Variants in NEDD4L observed in about 807,000 individuals in gnomAD.
NEDD4L encodes the protein NEDD4 like E3 ubiquitin protein ligase.
Under a neutral mutation model 148.9 loss-of-function variants are expected in NEDD4L, and 54 were observed. The observed-to-expected ratio is 0.36, with a 90% CI of 0.29 to 0.45. The LOEUF (loss-of-function observed/expected upper bound fraction) is 0.45, where lower values mean the gene tolerates loss of function less well. NEDD4L is among the 20% of genes least tolerant of loss of function. The probability of loss-of-function intolerance (pLI) is 1.00; values close to 1 mark genes in which losing one functional copy is unlikely to be tolerated. For synonymous variants in NEDD4L, 433 were observed against 440.7 expected (o/e 0.98, Z 0.22); for missense variants, 856 against 1,233.8 (o/e 0.69, Z 4.59).
chr18:58,210,336 G>C (rs1322893122), intron 2 of NEDD4L, among the ~76,000 whole-genome samples: 1 of 152,204 alleles, frequency 6.6e-6, no homozygotes, highest in Non-Finnish European at 1.5e-5. Context: ...GTTGATCCAA[G>C]AAGCATGGAA....
At chr18:58,057,351 A>G (rs1014972468) in intron 1 of NEDD4L, among the ~76,000 whole-genome samples, 2 of 152,088 alleles carry the variant, frequency 1.3e-5, no homozygotes, top group African/African-American at 4.8e-5. Context: ...GATGACTACA[A>G]TGAACCTTCT....
chr18:58,106,343 GTAGGTA>G (rs1170507135), intron 1 of NEDD4L, among the ~76,000 whole-genome samples: 5 of 152,236 alleles, frequency 3.3e-5, no homozygotes, highest in African/African-American at 1.2e-4. Context: ...TTTCTTATCT[GTAGGTA>G]TTTAAGATAA....
intron 5 of NEDD4L, among the ~76,000 whole-genome samples, chr18:58,265,059 A>G (rs1390020036): frequency 6.6e-6 from 1 of 151,900 alleles, no homozygotes; most frequent in South Asian, 2.1e-4. Context: ...GCATTGGGTG[A>G]CAGATTGCTT....
intron 26 of NEDD4L, 81 bp from the exon 27 acceptor site, chr18:58,387,358 C>A: frequency 7.0e-7 from 1 of 1,434,892 alleles, no homozygotes; most frequent in Non-Finnish European, 9.2e-7. Context: ...TTCTGGCTAA[C>A]CAGAAAAGTT....
chr18:58,130,953 A>T (rs1172970940), intron 1 of NEDD4L, among the ~76,000 whole-genome samples: 2 of 129,734 alleles, frequency 1.5e-5, no homozygotes, highest in Non-Finnish European at 3.1e-5. Context: ...TTTGGTTGTG[A>T]TCTAGCAGAA....
chr18:58,061,268 G>A lies in NEDD4L; in HGVS notation c.48+16560G>A, dbSNP rs574802506. ...CTAATTGGATCCGTGAGCCAGTCAT[G>A]TTAGATCATAAATATGATTTTTCCT... On this transcript the variant is annotated intron_variant, in intron 1 of 30. Coordinates refer to ENST00000400345, the MANE Select transcript of NEDD4L (RefSeq NM_001144967.3). Among the ~76,000 whole-genome samples, 6 of 152,302 alleles carry A rather than the reference G, an allele frequency of 3.9e-5. No individual in the cohort carries two copies. The East Asian group carries it at 1.2e-3, about 29-fold the overall frequency.
intron 10 of NEDD4L, among the ~76,000 whole-genome samples, chr18:58,329,911 T>C (rs892164954): frequency 6.6e-6 from 1 of 152,230 alleles, no homozygotes; most frequent in Non-Finnish European, 1.5e-5. Flanking sequence ...ATAGTTGAGC[T>C]GTTGAATGAG....
At chr18:58,381,438 G>C (rs2084789797) in intron 24 of NEDD4L, among the ~76,000 whole-genome samples, 1 of 152,166 alleles carries the variant, frequency 6.6e-6, no homozygotes, top group Admixed American at 6.5e-5. Context: ...ACCAAAGAAG[G>C]CTCTGTGATC....
chr18:58,311,050 A>C lies in NEDD4L; in HGVS notation c.298-4932A>C, dbSNP rs145533252. On this transcript the variant is annotated intron_variant, in intron 5 of 30. Coordinates refer to ENST00000400345, the MANE Select transcript of NEDD4L (RefSeq NM_001144967.3). ...TGGAAATCACTACTTAATGATTTTGAGGATGGAACCCCAGACAGTTGGTAA... is the reference window on the plus strand; with the variant it reads ...TGGAAATCACTACTTAATGATTTTGCGGATGGAACCCCAGACAGTTGGTAA... 2.0e-5 allele frequency among the ~76,000 whole-genome samples: 3 copies of C among 152,044 alleles called. No homozygotes were observed. In the East Asian group the frequency reaches 5.8e-4, roughly 29 times the overall value.
intron 1 of NEDD4L, among the ~76,000 whole-genome samples, chr18:58,085,238 A>G (rs2083697948): frequency 1.3e-5 from 2 of 152,170 alleles, no homozygotes; most frequent in Admixed American, 1.3e-4. Context: ...GTGAGGACTG[A>G]TATGAGTGGA....
chr18:58,379,868 G>A (rs868355442), intron 24 of NEDD4L, among the ~76,000 whole-genome samples: 5 of 151,990 alleles, frequency 3.3e-5, no homozygotes, highest in African/African-American at 4.8e-5. Context: ...ATCTGGGGGC[G>A]TGACCCCTAA....
chr18:58,125,661 C>T (rs531744038), intron 1 of NEDD4L, among the ~76,000 whole-genome samples: 3 of 152,224 alleles, frequency 2.0e-5, no homozygotes, highest in African/African-American at 7.2e-5. Context: ...TAATTTGGAC[C>T]GCAAATGCCA....
intron 5 of NEDD4L, among the ~76,000 whole-genome samples, chr18:58,272,738 C>T (rs1299508715): frequency 6.6e-6 from 1 of 152,272 alleles, no homozygotes; most frequent in South Asian, 2.1e-4. Context: ...ACATAAAAGT[C>T]AGTAAGGCTA....
intron 1 of NEDD4L, among the ~76,000 whole-genome samples, chr18:58,087,847 C>T (rs1048111984): frequency 6.6e-6 from 1 of 152,222 alleles, no homozygotes; most frequent in African/African-American, 2.4e-5. Flanking sequence ...GCACTCCAGC[C>T]TGGACAGCAA....
chr18:58,259,501 C>A (rs576398344), intron 5 of NEDD4L, among the ~76,000 whole-genome samples: 2 of 152,312 alleles, frequency 1.3e-5, no homozygotes, highest in African/African-American at 4.8e-5. Flanking sequence ...AGTTGGACCA[C>A]CATTTACCAG....
chr18:58,089,705 C>T (rs755140735), intron 1 of NEDD4L, among the ~76,000 whole-genome samples: 16 of 152,174 alleles, frequency 1.1e-4, no homozygotes, highest in Non-Finnish European at 2.2e-4. Context: ...GATATTCTTT[C>T]CTGGCAGTTC....
At chr18:58,312,048 A>G (rs1030838456) in intron 5 of NEDD4L, among the ~76,000 whole-genome samples, 5 of 152,210 alleles carry the variant, frequency 3.3e-5, no homozygotes, top group African/African-American at 7.2e-5. Flanking sequence ...TTACCGCACA[A>G]GCTCTAAAGG....
chr18:58,215,392 C>T (rs752770474), intron 2 of NEDD4L, among the ~76,000 whole-genome samples: 43 of 152,244 alleles, frequency 2.8e-4, no homozygotes, highest in Middle Eastern at 3.4e-3. Flanking sequence ...AGTATCTCTT[C>T]GTGTATTTAT....
rs557490797 is a variant in NEDD4L, at chr18:58,137,725, ACC to A, written c.49-28061_49-28060del. ...GATTTGTTTTTTTTTCCAACCACAT[ACC>A]CTGTCGCTACCACATCAAATACAGG... On this transcript the variant is annotated intron_variant, in intron 1 of 30. Transcript: ENST00000400345. Among the ~76,000 whole-genome samples the A allele has an allele frequency of 2.5e-4, 38 of 152,052 alleles. 1 individual carries two copies. In the South Asian group the frequency reaches 7.7e-3, roughly 31 times the overall value.
Sources: gnomAD v4.1 joint callset for allele counts (sites outside exome capture counted in the v4.1 genomes callset) on GRCh38, gnomAD v4.1.1 for gene constraint, MANE v1.5 for transcripts, NCBI Gene and HGNC (gene_info 2026-07-23, HGNC 2026-07-21) for gene names.